VDAC1: variants seen among roughly 807,000 people sequenced by gnomAD.
VDAC1 encodes the protein non-selective voltage-gated ion channel VDAC1.
Under a neutral mutation model 34.7 loss-of-function variants are expected in VDAC1, and 10 were observed. That is an observed-to-expected ratio of 0.29 (90% CI 0.18 to 0.49). The LOEUF (loss-of-function observed/expected upper bound fraction) is 0.49, where lower values mean the gene tolerates loss of function less well. VDAC1 is among the 20% of genes least tolerant of loss of function. VDAC1 has a pLI of 0.99. For synonymous variants in VDAC1, 130 were observed against 136.0 expected (o/e 0.96, Z 0.30); for missense variants, 230 against 347.9 (o/e 0.66, Z 2.69).
chr5:134,032,906 G>A, the VDAC1 span, among the ~76,000 whole-genome samples: 1 of 152,018 alleles, frequency 6.6e-6, no homozygotes, highest in Non-Finnish European at 1.5e-5. Context: ...AGTGGTACAT[G>A]CCTGTAGTTC....
chr5:134,043,533 CT>C, the VDAC1 span, among the ~76,000 whole-genome samples: 2 of 151,802 alleles, frequency 1.3e-5, no homozygotes, highest in Non-Finnish European at 2.9e-5. Flanking sequence ...TTTCTTTTTT[CT>C]TTTTTCTTTT....
chr5:134,002,965 CAA>C lies in VDAC1; in HGVS notation c.-7+1928_-7+1929del, dbSNP rs35606324. On this transcript the variant is annotated intron_variant, in intron 1 of 8. Coordinates refer to ENST00000265333, the MANE Select transcript of VDAC1 (RefSeq NM_003374.3). ...CTGGCAACAGAGCAAGACCCTGTCT[CAA>C]AAAAAAAAAAAGTCCAGGATCAAAG... Among the ~76,000 whole-genome samples, 50 of 146,156 alleles carry C rather than the reference CAA, an allele frequency of 3.4e-4. 1 individual carries two copies. Among genetic ancestry groups the C allele is most frequent in the African/African-American group, 1.1e-3 (44 of 39,544 alleles).
the VDAC1 span, among the ~76,000 whole-genome samples, chr5:134,073,730 A>G: frequency 1.3e-5 from 2 of 152,248 alleles, no homozygotes; most frequent in African/African-American, 4.8e-5. Context: ...GTAGGTTTAT[A>G]TACATTGATG....
chr5:134,042,253 G>C, the VDAC1 span, among the ~76,000 whole-genome samples: 1 of 152,226 alleles, frequency 6.6e-6, no homozygotes, highest in Non-Finnish European at 1.5e-5. Context: ...TGTGGGCTTG[G>C]GGGGGACCAG....
At chr5:134,039,274 G>A in the VDAC1 span, among the ~76,000 whole-genome samples, 3 of 152,142 alleles carry the variant, frequency 2.0e-5, no homozygotes, top group Non-Finnish European at 4.4e-5. Flanking sequence ...AGGCCCCAAC[G>A]AAACAGATGA....
chr5:134,066,674 C>T, the VDAC1 span, among the ~76,000 whole-genome samples: 2 of 152,170 alleles, frequency 1.3e-5, no homozygotes, highest in Non-Finnish European at 2.9e-5. Context: ...TTTCTTATTG[C>T]TCTGTCATCT....
the VDAC1 span, among the ~76,000 whole-genome samples, chr5:134,046,273 C>A: frequency 1.3e-5 from 2 of 152,028 alleles, no homozygotes; most frequent in African/African-American, 4.8e-5. Flanking sequence ...CGTGATCCAC[C>A]CACCTTGGCC....
chr5:134,015,730 C>T, the VDAC1 span, among the ~76,000 whole-genome samples: 43 of 151,912 alleles, frequency 2.8e-4, no homozygotes, highest in African/African-American at 9.9e-4. Context: ...CTGCAACCTC[C>T]GCCTCCCGGG....
At chr5:133,974,986 G>C (rs918588649) in intron 7 of VDAC1, among the ~76,000 whole-genome samples, 1 of 152,054 alleles carries the variant, frequency 6.6e-6, no homozygotes, top group African/African-American at 2.4e-5. Context: ...GAGATGATTG[G>C]CCAGGCATGG....
At chr5:134,032,961 AAGT>A in the VDAC1 span, among the ~76,000 whole-genome samples, 6 of 151,650 alleles carry the variant, frequency 4.0e-5, no homozygotes, top group Non-Finnish European at 7.4e-5. Context: ...TGAGCCCAGA[AAGT>A]CAAGGCTATG....
At chr5:134,067,861 T>C in the VDAC1 span, among the ~76,000 whole-genome samples, 1 of 152,194 alleles carries the variant, frequency 6.6e-6, no homozygotes, top group Non-Finnish European at 1.5e-5. Flanking sequence ...CTCAGGCCTG[T>C]AATCCCAGCA....
At chr5:134,057,462 A>G in the VDAC1 span, among the ~76,000 whole-genome samples, 13 of 150,658 alleles carry the variant, frequency 8.6e-5, no homozygotes, top group Non-Finnish European at 1.9e-4. Context: ...CCTGGGCGAC[A>G]GAGTGAGGCT....
chr5:134,084,606 T>C, the VDAC1 span, among the ~76,000 whole-genome samples: 3 of 152,212 alleles, frequency 2.0e-5, no homozygotes, highest in Admixed American at 6.5e-5. Context: ...CTGCTGTGGT[T>C]CCCATGGCTA....
intron 1 of VDAC1, among the ~76,000 whole-genome samples, chr5:134,001,197 C>T (rs1293012699): frequency 6.6e-6 from 1 of 152,218 alleles, no homozygotes. Flanking sequence ...GTGAGAGCAC[C>T]ACCATTCAGA....
chr5:133,993,148 TC>T, intron 1 of VDAC1, 130 bp from the exon 2 acceptor site: 1 of 946,520 alleles, frequency 1.1e-6, no homozygotes, highest in Non-Finnish European at 1.6e-6. Context: ...AGGTAGCTTA[TC>T]CTCCCAGATG....
intron 5 of VDAC1, among the ~76,000 whole-genome samples, chr5:133,983,660 G>T (rs1752787219): frequency 6.6e-6 from 1 of 152,134 alleles, no homozygotes; most frequent in African/African-American, 2.4e-5. Flanking sequence ...AAAATAGCCT[G>T]TTCCATGGCA....
the VDAC1 span, among the ~76,000 whole-genome samples, chr5:134,094,219 A>G: frequency 6.6e-6 from 1 of 152,234 alleles, no homozygotes. Context: ...GGTGCAGGTC[A>G]TTCGCGTTCC....
chr5:134,112,554 A>C, the VDAC1 span, among the ~76,000 whole-genome samples: 1 of 152,176 alleles, frequency 6.6e-6, no homozygotes, highest in Admixed American at 6.5e-5. Flanking sequence ...CTATGACCCC[A>C]TAGGACAGTT....
At chr5:134,013,691 C>T in the VDAC1 span, among the ~76,000 whole-genome samples, 1 of 151,758 alleles carries the variant, frequency 6.6e-6, no homozygotes, top group Admixed American at 6.6e-5. Flanking sequence ...ACCTGTAATC[C>T]CAGCACTTTA....
Sources: gnomAD v4.1 joint callset for allele counts (sites outside exome capture counted in the v4.1 genomes callset) on GRCh38, gnomAD v4.1.1 for gene constraint, MANE v1.5 for transcripts, NCBI Gene and HGNC (gene_info 2026-07-23, HGNC 2026-07-21) for gene names.